The following TBC1D19 variants were observed in gnomAD, a reference collection of about 807,000 sequenced individuals.
TBC1D19 encodes TBC1 domain family member 19.
A neutral mutation model predicts 89.0 loss-of-function variants in TBC1D19; 60 were observed. That is an observed-to-expected ratio of 0.67 (90% CI 0.55 to 0.84). The LOEUF (loss-of-function observed/expected upper bound fraction) is 0.84, where lower values mean the gene tolerates loss of function less well. TBC1D19 is among the 40% of genes least tolerant of loss of function. The pLI, the probability that TBC1D19 is intolerant of heterozygous loss-of-function variation, is 0.00. For synonymous variants in TBC1D19, 189 were observed against 199.7 expected (o/e 0.95, Z 0.45); for missense variants, 500 against 610.8 (o/e 0.82, Z 1.91).
At chr4:26,620,930 T>G (rs1022110590) in intron 4 of TBC1D19, among the ~76,000 whole-genome samples, 2 of 152,214 alleles carry the variant, frequency 1.3e-5, no homozygotes, top group East Asian at 3.9e-4. Context: ...TCATCTACTA[T>G]ACTGGCCTGC....
At chr4:26,649,940 C>A (rs558472901) in intron 7 of TBC1D19, among the ~76,000 whole-genome samples, 1 of 140,606 alleles carries the variant, frequency 7.1e-6, no homozygotes, top group South Asian at 2.7e-4. Context: ...TCAATTCCCA[C>A]CTATGAGTGA....
the TBC1D19 span, among the ~76,000 whole-genome samples, chr4:26,797,682 G>A: frequency 6.6e-6 from 1 of 152,152 alleles, no homozygotes; most frequent in Non-Finnish European, 1.5e-5. Flanking sequence ...GCATGGTGCT[G>A]CTACAAAATT....
intron 3 of TBC1D19, among the ~76,000 whole-genome samples, chr4:26,614,687 T>G (rs1741573462): frequency 6.6e-6 from 1 of 152,192 alleles, no homozygotes; most frequent in South Asian, 2.1e-4. Flanking sequence ...TTTTTTTATT[T>G]TCTTTTTGAG....
At chr4:26,769,987 A>G in the TBC1D19 span, among the ~76,000 whole-genome samples, 2 of 152,222 alleles carry the variant, frequency 1.3e-5, no homozygotes, top group East Asian at 3.9e-4. Context: ...AAGGAGATAG[A>G]ATGGAATCAT....
At chr4:26,673,616 T>C (rs367564458) in intron 10 of TBC1D19, among the ~76,000 whole-genome samples, 160 bp from the exon 11 acceptor site, 28 of 151,946 alleles carry the variant, frequency 1.8e-4, no homozygotes, top group African/African-American at 6.5e-4. Context: ...TAGGGCTGTA[T>C]TGAAATCCAG....
the TBC1D19 span, among the ~76,000 whole-genome samples, chr4:26,796,501 A>G: frequency 6.6e-6 from 1 of 151,980 alleles, no homozygotes; most frequent in Non-Finnish European, 1.5e-5. Context: ...TCATATTTCT[A>G]TTAAGTTGAA....
At chr4:26,806,225 C>G in the TBC1D19 span, among the ~76,000 whole-genome samples, 4 of 152,164 alleles carry the variant, frequency 2.6e-5, no homozygotes, top group South Asian at 2.1e-4. Context: ...TTCTCCTGAT[C>G]CAAGTCTCTA....
At chr4:26,678,832 A>C (rs1243047641) in intron 11 of TBC1D19, among the ~76,000 whole-genome samples, 2 of 152,158 alleles carry the variant, frequency 1.3e-5, no homozygotes, top group Admixed American at 1.3e-4. Context: ...TTTTTAGGAA[A>C]CAAAAGGGGA....
At chr4:26,803,853 C>T in the TBC1D19 span, among the ~76,000 whole-genome samples, 1 of 145,988 alleles carries the variant, frequency 6.8e-6, no homozygotes, top group African/African-American at 2.6e-5. Flanking sequence ...TTTGATTTTG[C>T]AGGGCCTTCT....
chr4:26,590,327 A>C (rs1442780876), intron 1 of TBC1D19, among the ~76,000 whole-genome samples: 1 of 152,190 alleles, frequency 6.6e-6, no homozygotes, highest in African/African-American at 2.4e-5. Context: ...GGCTTTCTAC[A>C]GTGGAGCTAA....
At chr4:26,825,291 G>A in the TBC1D19 span, among the ~76,000 whole-genome samples, 9 of 152,032 alleles carry the variant, frequency 5.9e-5, no homozygotes, top group African/African-American at 2.2e-4. Flanking sequence ...TAGAGATGGG[G>A]TTTCACCAAG....
At chr4:26,681,774 T>A (rs1236049074) in intron 11 of TBC1D19, among the ~76,000 whole-genome samples, 4 of 152,096 alleles carry the variant, frequency 2.6e-5, no homozygotes, top group Non-Finnish European at 5.9e-5. Flanking sequence ...AAAGAATGAG[T>A]TAAATGTGTA....
intron 4 of TBC1D19, among the ~76,000 whole-genome samples, chr4:26,623,421 A>T (rs549277106): frequency 6.6e-6 from 1 of 152,056 alleles, no homozygotes; most frequent in Non-Finnish European, 1.5e-5. Context: ...AAACTTTTTC[A>T]TGCTTGTGTG....
At chr4:26,811,614 A>G in the TBC1D19 span, among the ~76,000 whole-genome samples, 1 of 152,250 alleles carries the variant, frequency 6.6e-6, no homozygotes, top group Non-Finnish European at 1.5e-5. Flanking sequence ...AGCAAGTTTA[A>G]TATGAAAGTG....
intron 18 of TBC1D19, 135 bp downstream of exon 18, chr4:26,742,734 A>C: frequency 1.9e-6 from 1 of 535,848 alleles, no homozygotes; most frequent in East Asian, 3.1e-5. Flanking sequence ...AACTATAATT[A>C]TCAATTAGTA....
intron 6 of TBC1D19, 119 bp downstream of exon 6, chr4:26,638,953 AT>A: frequency 1.2e-6 from 1 of 822,532 alleles, no homozygotes; most frequent in Non-Finnish European, 1.9e-6. Flanking sequence ...CTTCTCATTA[AT>A]TTTCTATCAT....
At chr4:26,750,709 A>C (rs1439545931) in intron 19 of TBC1D19, among the ~76,000 whole-genome samples, 1 of 152,228 alleles carries the variant, frequency 6.6e-6, no homozygotes. Flanking sequence ...AAAAAAATCT[A>C]CAGGGAAGAA....
intron 15 of TBC1D19, among the ~76,000 whole-genome samples, chr4:26,728,019 C>T (rs1441327900): frequency 6.6e-6 from 1 of 152,226 alleles, no homozygotes; most frequent in Non-Finnish European, 1.5e-5. Context: ...AAACATGACT[C>T]ATCTTAATAC....
intron 19 of TBC1D19, among the ~76,000 whole-genome samples, chr4:26,753,557 T>C (rs1719095794): frequency 6.6e-6 from 1 of 152,374 alleles, no homozygotes; most frequent in African/African-American, 2.4e-5. Context: ...AAATAACTTA[T>C]AAAATGGCTT....
Sources: gnomAD v4.1 joint callset for allele counts (sites outside exome capture counted in the v4.1 genomes callset) on GRCh38, gnomAD v4.1.1 for gene constraint, MANE v1.5 for transcripts, NCBI Gene and HGNC (gene_info 2026-07-23, HGNC 2026-07-21) for gene names.